RTL4: variants seen among roughly 807,000 people sequenced by gnomAD.
The protein encoded by RTL4 is retrotransposon Gag-like protein 4.
A neutral mutation model predicts 5.3 loss-of-function variants in RTL4; 4 were observed. The ratio of observed to expected loss-of-function variants is 0.75; its 90% CI spans 0.37 to 1.72. The LOEUF (loss-of-function observed/expected upper bound fraction) is 1.72, where lower values mean the gene tolerates loss of function less well. RTL4 is among the 40% of genes most tolerant of loss of function. The probability of loss-of-function intolerance (pLI) is 0.04; values close to 1 mark genes in which losing one functional copy is unlikely to be tolerated. For synonymous variants in RTL4, 98 were observed against 87.3 expected (o/e 1.12, Z -0.68); for missense variants, 260 against 227.1 (o/e 1.14, Z -0.93).
At chrX:112,255,896 C>T in the RTL4 span, among the ~76,000 whole-genome samples, 7 of 111,727 alleles carry the variant, frequency 6.3e-5, no homozygotes, top group African/African-American at 1.9e-4. Flanking sequence ...GACCGTAATA[C>T]TCTAGGTATG....
chrX:112,246,859 C>T, the RTL4 span, among the ~76,000 whole-genome samples: 1 of 111,470 alleles, frequency 9.0e-6, no homozygotes, highest in Non-Finnish European at 1.9e-5. Flanking sequence ...TGGAATGAAC[C>T]TCTGATTGTT....
chrX:112,233,977 G>T, the RTL4 span, among the ~76,000 whole-genome samples: 1 of 110,793 alleles, frequency 9.0e-6, no homozygotes, highest in African/African-American at 3.3e-5. Flanking sequence ...CAGATCGCAA[G>T]GTCAGGAGAT....
chrX:112,302,731 T>G, the RTL4 span, among the ~76,000 whole-genome samples: 1 of 112,536 alleles, frequency 8.9e-6, no homozygotes, highest in Non-Finnish European at 1.9e-5. Flanking sequence ...TGTGCTAGGC[T>G]TTGTGCTTAA....
chrX:112,230,958 A>C, the RTL4 span, among the ~76,000 whole-genome samples: 1 of 111,854 alleles, frequency 8.9e-6, no homozygotes, highest in Non-Finnish European at 1.9e-5. Flanking sequence ...ATGCAGCCAA[A>C]AAACACATGA....
the RTL4 span, among the ~76,000 whole-genome samples, chrX:112,183,027 G>T: frequency 8.9e-6 from 1 of 112,198 alleles, no homozygotes; most frequent in Non-Finnish European, 1.9e-5. Context: ...TTAAAGAAAA[G>T]AATTTTCAAC....
At chrX:112,267,126 C>T in the RTL4 span, among the ~76,000 whole-genome samples, 6 of 111,674 alleles carry the variant, frequency 5.4e-5, no homozygotes, top group Non-Finnish European at 1.1e-4. Context: ...CTTGACCCCA[C>T]TTGCCATAAA....
chrX:112,278,218 C>T, the RTL4 span, among the ~76,000 whole-genome samples: 1 of 112,382 alleles, frequency 8.9e-6, no homozygotes, highest in African/African-American at 3.2e-5. Flanking sequence ...AAAATTTCTT[C>T]TTAAATGACT....
the RTL4 span, among the ~76,000 whole-genome samples, chrX:112,288,034 CA>C: frequency 9.0e-6 from 1 of 111,706 alleles, no homozygotes; most frequent in African/African-American, 3.3e-5. Context: ...GACTTTGGAA[CA>C]AATGCTGTGC....
At chrX:112,112,699 C>A in the RTL4 span, among the ~76,000 whole-genome samples, 1 of 111,807 alleles carries the variant, frequency 8.9e-6, no homozygotes, top group African/African-American at 3.3e-5. Context: ...TACTGAAGGA[C>A]TAGAGTGCCT....
At chrX:112,446,592 A>G in the RTL4 span, among the ~76,000 whole-genome samples, 1 of 112,583 alleles carries the variant, frequency 8.9e-6, no homozygotes, top group African/African-American at 3.2e-5. Context: ...TCATACCTGT[A>G]ATCCCAGCAT....
the RTL4 span, among the ~76,000 whole-genome samples, chrX:112,423,384 C>A: frequency 3.6e-5 from 4 of 110,115 alleles, no homozygotes; most frequent in African/African-American, 1.3e-4. Context: ...CCCTGCCCCC[C>A]GCCCAAGTGC....
chrX:112,384,561 G>T, the RTL4 span, among the ~76,000 whole-genome samples: 260 of 111,297 alleles, frequency 2.3e-3, 2 homozygotes, highest in East Asian at 0.033. Flanking sequence ...CCATTCCATT[G>T]GTCTATATAT....
At chrX:112,127,846 A>G in the RTL4 span, among the ~76,000 whole-genome samples, 1 of 112,121 alleles carries the variant, frequency 8.9e-6, no homozygotes, top group Non-Finnish European at 1.9e-5. Flanking sequence ...GTAAAATACA[A>G]AGGAATAAAT....
the RTL4 span, among the ~76,000 whole-genome samples, chrX:112,422,398 A>AGAAAACAG: frequency 8.1e-5 from 9 of 111,194 alleles, no homozygotes; most frequent in African/African-American, 2.9e-4. Context: ...TTTGCTATCT[A>AGAAAACAG]TGACCCAGAA....
chrX:112,255,528 C>T, the RTL4 span, among the ~76,000 whole-genome samples: 1 of 111,325 alleles, frequency 9.0e-6, no homozygotes, highest in Non-Finnish European at 1.9e-5. Context: ...AGGACTGCTG[C>T]GAGGATTACT....
At chrX:112,172,273 G>A in the RTL4 span, among the ~76,000 whole-genome samples, 5 of 110,937 alleles carry the variant, frequency 4.5e-5, no homozygotes, top group Non-Finnish European at 9.4e-5. Context: ...TACAGTGAGT[G>A]GAGATCCTGC....
the RTL4 span, chrX:112,381,815 G>C: frequency 1.7e-6 from 2 of 1,209,462 alleles, no homozygotes; most frequent in Non-Finnish European, 2.2e-6. Flanking sequence ...GACACGGGAA[G>C]TACAGGCTCA....
chrX:112,133,948 C>T, the RTL4 span, among the ~76,000 whole-genome samples: 1 of 111,812 alleles, frequency 8.9e-6, no homozygotes, highest in Admixed American at 9.5e-5. Context: ...CTAATCCATG[C>T]TAGAGCTAAT....
At chrX:112,396,182 G>T in the RTL4 span, among the ~76,000 whole-genome samples, 155 of 110,899 alleles carry the variant, frequency 1.4e-3, 1 homozygote, top group South Asian at 0.061. Flanking sequence ...GTCCATGGGT[G>T]CATGTCAGCG....
Sources: gnomAD v4.1 joint callset for allele counts (sites outside exome capture counted in the v4.1 genomes callset) on GRCh38, gnomAD v4.1.1 for gene constraint, MANE v1.5 for transcripts, NCBI Gene and HGNC (gene_info 2026-07-23, HGNC 2026-07-21) for gene names.